The following PTPRG variants were observed in gnomAD, a reference collection of about 807,000 sequenced individuals.
The protein encoded by PTPRG is protein tyrosine phosphatase receptor type G.
In PTPRG, 102 loss-of-function variants were observed where a neutral mutation model predicts 165.3. That is an observed-to-expected ratio of 0.62 (90% confidence interval 0.53 to 0.73). The LOEUF is 0.73. PTPRG is among the 30% of genes least tolerant of loss of function. The pLI, the probability that PTPRG is intolerant of heterozygous loss-of-function variation, is 0.00. For missense variants in PTPRG, 1,866 were observed against 1,861.4 expected (o/e 1.00, Z -0.05); for synonymous variants, 675 against 669.5 (o/e 1.01, Z -0.13).
chr3:62,270,979 A>T (rs1702041632), intron 20 of PTPRG, among the ~76,000 whole-genome samples: 2 of 152,208 alleles, frequency 1.3e-5, no homozygotes, highest in Non-Finnish European at 2.9e-5. Context: ...CTAAAGGTCC[A>T]GCCTGGACAG....
intron 2 of PTPRG, among the ~76,000 whole-genome samples, chr3:61,768,903 G>T (rs1342826391): frequency 6.6e-6 from 1 of 152,090 alleles, no homozygotes; most frequent in African/African-American, 2.4e-5. Context: ...GTGAGGTGTG[G>T]TCACAGGGAA....
intron 4 of PTPRG, among the ~76,000 whole-genome samples, chr3:62,016,505 A>G (rs1294532977): frequency 6.6e-6 from 1 of 152,140 alleles, no homozygotes; most frequent in Non-Finnish European, 1.5e-5. Context: ...TCTTCTTGTC[A>G]CATGAAGCAA....
intron 8 of PTPRG, among the ~76,000 whole-genome samples, chr3:62,182,250 A>C: frequency 6.6e-6 from 1 of 152,160 alleles, no homozygotes; most frequent in East Asian, 1.9e-4. Context: ...ATGCAGTTCG[A>C]ACCTGTGTTG....
chr3:62,187,543 A>T (rs1699693745), intron 8 of PTPRG, among the ~76,000 whole-genome samples: 1 of 152,244 alleles, frequency 6.6e-6, no homozygotes, highest in Non-Finnish European at 1.5e-5. Flanking sequence ...ACACTCATTC[A>T]TGTTTACATA....
chr3:62,105,949 T>C (rs192779339), intron 5 of PTPRG, among the ~76,000 whole-genome samples: 1 of 152,234 alleles, frequency 6.6e-6, no homozygotes, highest in Non-Finnish European at 1.5e-5. Flanking sequence ...TTTAAGGATG[T>C]CTGGTAGGAT....
chr3:62,080,445 C>G (rs1701532948), intron 5 of PTPRG, among the ~76,000 whole-genome samples: 1 of 152,052 alleles, frequency 6.6e-6, no homozygotes, highest in Non-Finnish European at 1.5e-5. Context: ...GCTCTTAAAA[C>G]AGTTCCCACA....
intron 1 of PTPRG, among the ~76,000 whole-genome samples, chr3:61,722,923 T>A (rs1467714792): frequency 1.3e-5 from 2 of 152,082 alleles, no homozygotes; most frequent in African/African-American, 4.8e-5. Context: ...TTAATTTGAA[T>A]GATTTGAGAG....
At position 62,203,498 on chromosome 3, in the gene PTPRG, C is replaced by G; in HGVS notation, c.1703C>G (p.Ser568Trp). 9 of 1,565,776 alleles carry G rather than the reference C, an allele frequency of 5.7e-6. No individual in the cohort carries two copies. The highest frequency in any genetic ancestry group is 7.8e-6 in the Non-Finnish European group (9 of 1,154,414). Reference protein sequence around the residue: ...ALASPGPDGDSSPTKDGEGTE... With the variant: ...ALASPGPDGDWSPTKDGEGTE... The stretch of plus-strand genomic sequence containing the variant: ...GCTTCTCCAGGGCCCGATGGTGATT[C>G]GTCACCAACCAAGGACGGCGAGGGC... Residue 568 changes from serine (S) to tryptophan (W), a missense_variant, in exon 12 of 30, where the codon TCG becomes TGG. Around this residue, in one of 3 missense-constraint regions of PTPRG, gnomAD observed 1,452 missense variants for 1,463.0 expected, o/e 0.99. Transcript: ENST00000474889. The surrounding 1 kb of genome is among the most constrained non-coding windows in gnomAD (Gnocchi z 6.4).
chr3:61,977,595 C>CT (rs11302623), intron 2 of PTPRG, among the ~76,000 whole-genome samples: 14 of 151,074 alleles, frequency 9.3e-5, no homozygotes, highest in South Asian at 2.1e-4. Flanking sequence ...CTGCAACTAG[C>CT]TTTTTTTTTC....
chr3:62,063,876 A>C (rs1288087287), intron 4 of PTPRG, among the ~76,000 whole-genome samples: 3 of 152,130 alleles, frequency 2.0e-5, no homozygotes, highest in Non-Finnish European at 4.4e-5. Flanking sequence ...TCATTGTGGT[A>C]AAAGATACAT....
At chr3:61,933,154 G>A (rs535019825) in intron 2 of PTPRG, among the ~76,000 whole-genome samples, 166 of 152,236 alleles carry the variant, frequency 1.1e-3, no homozygotes, top group Non-Finnish European at 1.4e-3. Flanking sequence ...AAAGACAGTA[G>A]GAAATAGTGG....
At chr3:61,578,232 C>T (rs1011552347) in intron 1 of PTPRG, among the ~76,000 whole-genome samples, 3 of 152,306 alleles carry the variant, frequency 2.0e-5, no homozygotes, top group South Asian at 2.1e-4. Flanking sequence ...AGCTCCTGCT[C>T]AGCAATTTGA....
chr3:61,823,539 T>A (rs183648772), intron 2 of PTPRG, among the ~76,000 whole-genome samples: 1 of 141,546 alleles, frequency 7.1e-6, no homozygotes, highest in Admixed American at 7.1e-5. Context: ...GAGGAGCAAG[T>A]AGAACTTAAA....
At chr3:61,669,922 C>T (rs1041931451) in intron 1 of PTPRG, among the ~76,000 whole-genome samples, 1 of 152,094 alleles carries the variant, frequency 6.6e-6, no homozygotes, top group Non-Finnish European at 1.5e-5. Context: ...GGCTGCTCTT[C>T]GTGGAAGAGG....
At chr3:62,188,957 C>T (rs577089686) in intron 8 of PTPRG, among the ~76,000 whole-genome samples, 21 of 152,134 alleles carry the variant, frequency 1.4e-4, no homozygotes, top group South Asian at 2.1e-4. Context: ...CCGCCTCCTC[C>T]GTGTTCTGTC....
chr3:61,847,633 C>G (rs1329381762), intron 2 of PTPRG, among the ~76,000 whole-genome samples: 1 of 152,156 alleles, frequency 6.6e-6, no homozygotes, highest in East Asian at 1.9e-4. Context: ...TTCGGGGATT[C>G]CAGGTTGCTC....
chr3:61,962,495 C>T (rs147358367), intron 2 of PTPRG, among the ~76,000 whole-genome samples: 2 of 152,190 alleles, frequency 1.3e-5, no homozygotes, highest in African/African-American at 4.8e-5. Flanking sequence ...TTAAGTGTGG[C>T]GTGTATAGGA....
intron 17 of PTPRG, 93 bp downstream of exon 17, chr3:62,262,987 G>A (rs988865037): frequency 2.3e-6 from 2 of 887,202 alleles, no homozygotes; most frequent in East Asian, 2.7e-5. Flanking sequence ...GAAGCAGGAT[G>A]CCAAGAAAGA....
chr3:62,251,490 T>A (rs1701417508), intron 15 of PTPRG, among the ~76,000 whole-genome samples: 4 of 152,066 alleles, frequency 2.6e-5, no homozygotes, highest in African/African-American at 9.7e-5. Context: ...CTCTTTAAAT[T>A]AGCCAGGCAT....
Sources: gnomAD v4.1 joint callset for allele counts (sites outside exome capture counted in the v4.1 genomes callset) on GRCh38, gnomAD v4.1.1 for gene constraint, gnomAD v4.1.1 regional missense constraint, Gnocchi (gnomAD v3.1) non-coding constraint, MANE v1.5 for transcripts, NCBI Gene and HGNC (gene_info 2026-07-23, HGNC 2026-07-21) for gene names.